NEB: variants seen among roughly 807,000 people sequenced by gnomAD.
NEB encodes the protein nemaline myopathy type 2.
NEB carries 512 observed loss-of-function variants against 952.2 expected under a neutral mutation model. That is an observed-to-expected ratio of 0.54 (90% confidence interval 0.50 to 0.58). NEB has a LOEUF of 0.58. Among genes scored for constraint, NEB ranks in the 20% least tolerant of loss-of-function variants. The pLI, the probability that NEB is intolerant of heterozygous loss-of-function variation, is 0.00. For synonymous variants in NEB, 2,900 were observed against 3,149.8 expected (o/e 0.92, Z 2.66); for missense variants, 8,428 against 9,231.1 (o/e 0.91, Z 3.56).
intron 3 of NEB, among the ~76,000 whole-genome samples, chr2:151,730,148 T>C (rs1043986091): frequency 2.0e-5 from 3 of 152,192 alleles, no homozygotes; most frequent in Non-Finnish European, 2.9e-5. Context: ...TCCCAAGGTA[T>C]ATCCACATCT....
At chr2:151,731,501 G>A (rs530569239) in intron 3 of NEB, among the ~76,000 whole-genome samples, 10 of 151,968 alleles carry the variant, frequency 6.6e-5, no homozygotes, top group East Asian at 1.9e-4. Context: ...CCATTTTTTC[G>A]AATGCACCAC....
At chr2:151,505,111 T>C (rs936602037) in intron 165 of NEB, among the ~76,000 whole-genome samples, 9 of 152,238 alleles carry the variant, frequency 5.9e-5, no homozygotes, top group South Asian at 2.1e-4. Flanking sequence ...ATACTACTTA[T>C]ATGTTTATAT....
chr2:151,610,719 T>C (rs1221726638), intron 79 of NEB, 43 bp downstream of exon 79: 1 of 1,586,892 alleles, frequency 6.3e-7, no homozygotes, highest in African/African-American at 1.3e-5. Context: ...AAAAAGCATT[T>C]TAATTAATCT....
At chr2:151,539,885 C>T (rs189798513) in intron 138 of NEB, among the ~76,000 whole-genome samples, 143 of 152,286 alleles carry the variant, frequency 9.4e-4, no homozygotes, top group African/African-American at 3.4e-3. Flanking sequence ...GACACTTATA[C>T]ATTATCTTGT....
At chr2:151,491,249 T>A (rs1309058984) in intron 179 of NEB, 1 of 161,182 alleles carries the variant, frequency 6.2e-6, no homozygotes, top group Admixed American at 6.0e-5. Flanking sequence ...TCCAGGCTAG[T>A]ATTCTGCTTT....
intron 144 of NEB, 72 bp downstream of exon 144, chr2:151,531,720 A>G: frequency 8.3e-7 from 1 of 1,203,126 alleles, no homozygotes; most frequent in Non-Finnish European, 1.2e-6. Flanking sequence ...CTTTGTGACA[A>G]TTTAAAATGC....
intron 146 of NEB, 29 bp downstream of exon 146, chr2:151,529,181 C>T (rs1476090410): frequency 2.8e-6 from 4 of 1,447,102 alleles, no homozygotes; most frequent in Admixed American, 3.4e-5. Context: ...AAATCCCCCA[C>T]CATGCTTGGG....
chr2:151,613,258 T>A (rs2098074204), intron 77 of NEB, among the ~76,000 whole-genome samples: 1 of 152,228 alleles, frequency 6.6e-6, no homozygotes, highest in African/African-American at 2.4e-5. Flanking sequence ...AACAATTGTT[T>A]TCAAGTTTCT....
chr2:151,494,308 C>CA (rs1574804376), intron 173 of NEB, 55 bp from the exon 174 acceptor site: 1 of 1,209,138 alleles, frequency 8.3e-7, no homozygotes, highest in East Asian at 2.5e-5. Flanking sequence ...TAACAGTTAC[C>CA]AAAAAAGGAA....
rs1332653311 is a variant in NEB at position 151,672,520 on chromosome 2, G to T, written c.4148C>A (p.Thr1383Asn). The T allele has an allele frequency of 6.2e-7, 1 of 1,613,880 alleles. No homozygotes were observed. The highest frequency in any genetic ancestry group is 2.2e-5 in the East Asian group (1 of 44,896). Residue 1383 changes from threonine (T) to asparagine (N), a missense_variant, in exon 37 of 182, where the codon ACC becomes AAC. This residue lies in a region of NEB where 2,851 missense variants were observed against 2,791.5 expected (regional missense o/e 1.02). Coordinates refer to ENST00000397345, the MANE Select transcript of NEB (RefSeq NM_001164508.2). ...TGTGATGCTAACCATGTCCCCAGGG[G>T]TATGGTAGCTGGTTTTGGTGTTCTC... ...NYENTKTSYH[T>N]PGDMVSITAA...
chr2:151,609,272 G>T (rs1226321134), intron 81 of NEB, among the ~76,000 whole-genome samples: 2 of 151,964 alleles, frequency 1.3e-5, no homozygotes, highest in African/African-American at 4.8e-5. Context: ...AAGCACATGG[G>T]GTTGACGGGA....
At chr2:151,704,994 C>T (rs1418399821) in intron 13 of NEB, among the ~76,000 whole-genome samples, 1 of 152,198 alleles carries the variant, frequency 6.6e-6, no homozygotes, top group Admixed American at 6.5e-5. Context: ...TCTTAGCTCA[C>T]ATACTCTTTC....
chr2:151,626,865 G>A (rs2098537042), intron 70 of NEB, 137 bp downstream of exon 70: 2 of 1,104,038 alleles, frequency 1.8e-6, no homozygotes, highest in Non-Finnish European at 2.6e-6. Flanking sequence ...TTATCTAACA[G>A]AATAGAGAAT....
At position 151,694,536 on chromosome 2, in the gene NEB, T is replaced by C. The variant is rs769540079; in HGVS notation, c.1768A>G (p.Lys590Glu). The change falls in exon 19 of 182, where the codon AAG becomes GAG. Residue 590 changes from lysine (K) to glutamate (E), a missense_variant. Physicochemically the swap from Lys to Glu is moderately conservative, Grantham distance 56. Transcript: ENST00000397345. ...GCCACACTCACATCGCTGGTGTTCT[T>C]GGTGTTGGCTTTGGCTGCCAGCAGG... ...IPLLAAKANT[K>E]NTSDVMYKKD... 5.0e-6 allele frequency: 8 copies of C among 1,613,424 alleles called. No homozygotes were observed. The South Asian group carries it at 8.8e-5, about 18-fold the overall frequency.
rs202074655 is a variant in NEB at position 151,688,726 on chromosome 2, TAAC to T, written c.2311-333_2311-331del. Among the ~76,000 whole-genome samples, 1,505 of 152,258 alleles carry T rather than the reference TAAC, an allele frequency of 9.9e-3. 24 individuals carry two copies. Among genetic ancestry groups the T allele is most frequent in the African/African-American group, 0.035 (1,436 of 41,550 alleles). ...TTATATATTAGGCACAGTAAGAGAT[TAAC>T]AACAATAACTAATAAATAGAAAAAT... On this transcript the variant is annotated intron_variant, in intron 24 of 181. Coordinates refer to ENST00000397345, the MANE Select transcript of NEB (RefSeq NM_001164508.2).
At chr2:151,520,411 A>G (rs2081117720) in intron 153 of NEB, among the ~76,000 whole-genome samples, 1 of 152,228 alleles carries the variant, frequency 6.6e-6, no homozygotes, top group Non-Finnish European at 1.5e-5. Flanking sequence ...ATAAGATTAA[A>G]TATACTTTTA....
intron 9 of NEB, among the ~76,000 whole-genome samples, chr2:151,720,371 T>C (rs2099770866): frequency 6.6e-6 from 1 of 152,224 alleles, no homozygotes; most frequent in African/African-American, 2.4e-5. Flanking sequence ...CTGTGCCCAA[T>C]AATTGTAGAA....
chr2:151,716,113 A>G (rs1282356007), intron 10 of NEB: 4 of 434,092 alleles, frequency 9.2e-6, no homozygotes, highest in East Asian at 7.1e-5. Flanking sequence ...CTTATTTACA[A>G]TATCAACACT....
chr2:151,576,508 ATATATATATTTTTTTTTTTTTTTTT>A (rs1162379367), intron 105 of NEB, among the ~76,000 whole-genome samples, 154 bp from the exon 106 acceptor site: 8,847 of 46,906 alleles, frequency 0.19, 235 homozygotes, highest in Non-Finnish European at 0.22. Flanking sequence ...ATATATATAT[ATATATATATTTTTTTTTTTTTTTTT>A]TTTTTTTTTT....
Sources: gnomAD v4.1 joint callset for allele counts (sites outside exome capture counted in the v4.1 genomes callset) on GRCh38, gnomAD v4.1.1 for gene constraint, gnomAD v4.1.1 regional missense constraint, MANE v1.5 for transcripts, NCBI Gene and HGNC (gene_info 2026-07-23, HGNC 2026-07-21) for gene names.